Variants in CTRL observed in about 807,000 individuals in gnomAD.
CTRL encodes chymotrypsin like.
Under a neutral mutation model 35.5 loss-of-function variants are expected in CTRL, and 38 were observed. The observed-to-expected ratio is 1.07, with a 90% CI of 0.83 to 1.40. The LOEUF is 1.40. Ranked by LOEUF, CTRL falls within the 40% of genes most tolerant of loss-of-function variation. The pLI, the probability that CTRL is intolerant of heterozygous loss-of-function variation, is 0.00. For missense variants in CTRL, 327 were observed against 342.9 expected (o/e 0.95, Z 0.37); for synonymous variants, 155 against 141.1 (o/e 1.10, Z -0.70).
chr16:67,929,773 C>T lies in CTRL; in HGVS notation c.*161G>A. 1 of 804,374 alleles carries T rather than the reference C, an allele frequency of 1.2e-6. No homozygotes were observed. Among genetic ancestry groups the T allele is most frequent in the Non-Finnish European group, 1.9e-6 (1 of 515,304 alleles). The allele number at this position is 804,374 out of a possible 1,614,324, so 49.8% of individuals were successfully genotyped here. A position where few individuals can be genotyped will look rare whatever the true frequency, so the allele number is the denominator to read the frequency against. On this transcript the variant is annotated 3_prime_UTR_variant, in exon 7 of 7. Coordinates refer to ENST00000574481, the MANE Select transcript of CTRL (RefSeq NM_001907.3). ...GCTACTCTAGGAAGAGCCACTGCTACTCAAGGAGTCACTCAGCCCCTTCTG... is the reference window on the plus strand; with the variant it reads ...GCTACTCTAGGAAGAGCCACTGCTATTCAAGGAGTCACTCAGCCCCTTCTG...
At chr16:67,931,448 A>T in intron 1 of CTRL, 2 of 597,444 alleles carry the variant, frequency 3.3e-6, no homozygotes, top group South Asian at 3.9e-5. Flanking sequence ...GCTGTTCCCC[A>T]TCTCTACCCC....
At position 67,930,557 on chromosome 16, in the gene CTRL, G is replaced by GT; in HGVS notation, c.349dup (p.Thr117AsnfsTer5). On this transcript the variant is annotated frameshift_variant, in exon 5 of 7. Transcript: ENST00000574481. LOFTEE classifies it high-confidence loss of function. This position sits in a 1 kb window ranked among gnomAD's most constrained non-coding sequence, Gnocchi z 4.3. ...CAGCAGCGTCACGTCATTGTTCATG[G>GT]TGGTAGAGTTCCAGCTAGGGTGTGT... The GT allele has an allele frequency of 1.2e-6, 2 of 1,614,176 alleles. No individual in the cohort carries two copies. Among genetic ancestry groups the GT allele is most frequent in the South Asian group, 2.2e-5 (2 of 91,086 alleles).
chr16:67,930,288 A>G lies in CTRL; in HGVS notation c.530T>C (p.Val177Ala). ...ATTCACAGTGACCAGGGGCAAAGCCACCTGCTGCAGATGTGCTGGTGTCAC... is the reference window on the plus strand; with the variant it reads ...ATTCACAGTGACCAGGGGCAAAGCCGCCTGCTGCAGATGTGCTGGTGTCAC... Reference protein sequence around the residue: ...GNVTPAHLQQVALPLVTVNQC... With the variant: ...GNVTPAHLQQAALPLVTVNQC... The change falls in exon 6 of 7, where the codon GTG becomes GCG. Residue 177 changes from valine (V) to alanine (A), a missense_variant. Physicochemically the swap from Val to Ala is moderately conservative, Grantham distance 64. Coordinates refer to ENST00000574481, the MANE Select transcript of CTRL (RefSeq NM_001907.3). This position sits in a 1 kb window ranked among gnomAD's most constrained non-coding sequence, Gnocchi z 4.3. 6.2e-7 allele frequency: 1 copy of G among 1,614,050 alleles called. No individual in the cohort carries two copies. The highest frequency in any genetic ancestry group is 8.5e-7 in the Non-Finnish European group (1 of 1,180,012).
Position 67,930,873 on chromosome 16 carries a change from A to T in CTRL, c.236+47T>A. ...GCGAGAGGGGGACAGCCAGGGGAGG[A>T]GGCAGGAAGAGGCGAGGGGCGGGGC... On this transcript the variant is annotated intron_variant, in intron 3 of 6. Transcript: ENST00000574481. The surrounding 1 kb of genome is among the most constrained non-coding windows in gnomAD (Gnocchi z 4.3). 1 of 1,612,224 alleles carries T rather than the reference A, an allele frequency of 6.2e-7. No homozygotes were observed. The highest frequency in any genetic ancestry group is 8.5e-7 in the Non-Finnish European group (1 of 1,179,206).
rs945216238 is a variant in CTRL at position 67,931,109 on chromosome 16, C to G, written c.145G>C (p.Val49Leu). 1.2e-6 allele frequency: 2 copies of G among 1,613,924 alleles called. No individual in the cohort carries two copies. Among genetic ancestry groups the G allele is most frequent in the South Asian group, 1.1e-5 (1 of 91,094 alleles). Residue 49 changes from valine to leucine, a missense_variant, in exon 2 of 7, where the codon GTG becomes CTG. By Grantham distance (32) the Val-to-Leu change is conservative (BLOSUM62 1). Transcript: ENST00000574481. ...CTCTGGTGGTGTACCTGCAGGGACACCTGCCAGGGCCAGGAGCCCAACACT... is the reference window on the plus strand; with the variant it reads ...CTCTGGTGGTGTACCTGCAGGGACAGCTGCCAGGGCCAGGAGCCCAACACT... Reference protein sequence around the residue: ...NAVLGSWPWQVSLQDSSGFHF... With the variant: ...NAVLGSWPWQLSLQDSSGFHF...
intron 1 of CTRL, 41 bp downstream of exon 1, chr16:67,931,760 T>A (rs2058242377): frequency 6.4e-7 from 1 of 1,550,618 alleles, no homozygotes; most frequent in South Asian, 1.2e-5. Flanking sequence ...GGAGCTGAGT[T>A]GCTCCCAGGG....
Sources: allele counts gnomAD v4.1 joint callset, GRCh38; gene constraint gnomAD v4.1.1; non-coding constraint Gnocchi (gnomAD v3.1); transcripts MANE v1.5; gene names NCBI Gene and HGNC (gene_info 2026-07-23, HGNC 2026-07-21).